JARID2: variants seen among roughly 807,000 people sequenced by gnomAD.
JARID2 encodes the protein protein Jumonji.
Under a neutral mutation model 125.6 loss-of-function variants are expected in JARID2, and 21 were observed. The ratio of observed to expected loss-of-function variants is 0.17; its 90% CI spans 0.12 to 0.24. JARID2 has a LOEUF of 0.24. JARID2 is among the 10% of genes least tolerant of loss of function. JARID2 has a pLI of 1.00. For synonymous variants in JARID2, 736 were observed against 661.6 expected (o/e 1.11, Z -1.73); for missense variants, 1,303 against 1,639.6 (o/e 0.79, Z 3.55).
At chr6:15,364,157 T>TCAGG (rs70996538) in intron 1 of JARID2, among the ~76,000 whole-genome samples, 9,248 of 152,148 alleles carry the variant, frequency 0.061, 409 homozygotes, top group East Asian at 0.24. Flanking sequence ...AGCGAGTCAG[T>TCAGG]CAGGCATTGA....
intron 1 of JARID2, among the ~76,000 whole-genome samples, chr6:15,354,158 TATTAAAC>T: frequency 6.6e-6 from 1 of 152,210 alleles, no homozygotes; most frequent in East Asian, 1.9e-4. Flanking sequence ...CAAGCGTCCT[TATTAAAC>T]AGAGGTAGGT....
intron 3 of JARID2, among the ~76,000 whole-genome samples, chr6:15,418,500 C>T (rs1581535054): frequency 6.6e-6 from 1 of 152,272 alleles, no homozygotes; most frequent in Middle Eastern, 3.4e-3. Flanking sequence ...GGCATATGAG[C>T]CACTGTGCCC....
At chr6:15,307,263 T>C (rs968129093) in intron 1 of JARID2, among the ~76,000 whole-genome samples, 1 of 151,960 alleles carries the variant, frequency 6.6e-6, no homozygotes, top group East Asian at 2.0e-4. Flanking sequence ...AAACATTTTT[T>C]CCTGTTGCCC....
chr6:15,474,753 C>G (rs1769258472), intron 5 of JARID2, among the ~76,000 whole-genome samples: 1 of 152,112 alleles, frequency 6.6e-6, no homozygotes, highest in South Asian at 2.1e-4. Flanking sequence ...AGGTTCCCAA[C>G]TAAAATTTTG....
intron 3 of JARID2, among the ~76,000 whole-genome samples, chr6:15,437,250 T>C (rs1767248457): frequency 1.3e-5 from 2 of 152,178 alleles, no homozygotes; most frequent in African/African-American, 4.8e-5. Context: ...ATACTTTATG[T>C]TGTGAGGCTG....
chr6:15,505,798 T>G (rs1770977052), intron 9 of JARID2, among the ~76,000 whole-genome samples: 1 of 152,264 alleles, frequency 6.6e-6, no homozygotes, highest in Admixed American at 6.5e-5. Flanking sequence ...AGCCACGATG[T>G]CAGCTGAACC....
In JARID2 at chr6:15,476,385, C is replaced by A. The variant is rs139868931; in HGVS notation, c.670+7667C>A. 5.3e-4 allele frequency among the ~76,000 whole-genome samples: 81 copies of A among 152,310 alleles called. 1 individual carries two copies. In the East Asian group the frequency reaches 7.3e-3, roughly 14 times the overall value. On this transcript the variant is annotated intron_variant, in intron 5 of 17. Coordinates refer to ENST00000341776, the MANE Select transcript of JARID2 (RefSeq NM_004973.4). ...GGCAGAGGTGGCAGGAGAGGACACA[C>A]ACACCATCCACAGTGTCCTGCCATC...
chr6:15,468,759 C>CT lies in JARID2; in HGVS notation c.670+44dup, dbSNP rs765632381. ...AACTTGGATAAGAAAAAATCTAAAG[C>CT]TTTGGGTGAGAGCTGGAAGAGAGCC... is the stretch of plus-strand genomic sequence containing the variant. On this transcript the variant is annotated intron_variant, in intron 5 of 17. Transcript: ENST00000341776. The CT allele has an allele frequency of 4.1e-5, 65 of 1,573,760 alleles. No individual in the cohort carries two copies. In the South Asian group the frequency reaches 6.9e-4, roughly 17 times the overall value.
intron 1 of JARID2, among the ~76,000 whole-genome samples, chr6:15,333,184 G>A (rs13211366): frequency 4.6e-5 from 7 of 151,774 alleles, no homozygotes; most frequent in Non-Finnish European, 8.8e-5. Flanking sequence ...CACCCGCCTC[G>A]GCCTCCCAAA....
In JARID2 at chr6:15,496,118, CTGCTGCTCCA is replaced by C. The variant is rs1176023993; in HGVS notation, c.907-13_907-4del. ...TCTGCGTTTTTTTCCACCTCTGCTTCTGCTGCTCCACAGGTTTCTAAGGTAAACGGAGTCA... is the reference window on the plus strand; with the variant it reads ...TCTGCGTTTTTTTCCACCTCTGCTTCCAGGTTTCTAAGGTAAACGGAGTCA... On this transcript the variant is annotated splice_region_variant and splice_polypyrimidine_tract_variant and intron_variant, in intron 6 of 17. Transcript: ENST00000341776. The C allele has an allele frequency of 6.3e-7, 1 of 1,591,150 alleles. No homozygotes were observed. The highest frequency in any genetic ancestry group is 8.6e-7 in the Non-Finnish European group (1 of 1,166,790).
At chr6:15,252,515 A>T (rs937613479) in intron 1 of JARID2, among the ~76,000 whole-genome samples, 1 of 152,178 alleles carries the variant, frequency 6.6e-6, no homozygotes, top group Non-Finnish European at 1.5e-5. Flanking sequence ...TGATTGTATT[A>T]CTTTTGGAGT....
At chr6:15,487,252 T>C (rs1415539968) in intron 5 of JARID2, 55 bp from the exon 6 acceptor site, 2 of 1,435,604 alleles carry the variant, frequency 1.4e-6, no homozygotes, top group East Asian at 4.8e-5. Context: ...ATCAGTAGTT[T>C]GCGTGGTAGT....
chr6:15,447,702 C>T (rs1457195713), intron 3 of JARID2, among the ~76,000 whole-genome samples: 1 of 152,192 alleles, frequency 6.6e-6, no homozygotes. Flanking sequence ...CAGCTGATGG[C>T]AGGGAGTGAG....
intron 1 of JARID2, among the ~76,000 whole-genome samples, chr6:15,356,149 T>A (rs904093661): frequency 1.3e-5 from 2 of 152,226 alleles, no homozygotes; most frequent in African/African-American, 4.8e-5. Flanking sequence ...ATGAAATCTT[T>A]TTTACGGCTG....
rs147554675 is a variant in JARID2, at chr6:15,303,857, C to T, written c.45+57273C>T. ...GTGCCTTCTTTTTAGTTCACCTGGG[C>T]GAATCCTGGCTGCAAGTTTAATAAT... On this transcript the variant is annotated intron_variant, in intron 1 of 17. Transcript: ENST00000341776. Among the ~76,000 whole-genome samples, 743 of 152,204 alleles carry T rather than the reference C, an allele frequency of 4.9e-3. 7 individuals are homozygous for T. Among genetic ancestry groups the T allele is most frequent in the African/African-American group, 0.016 (684 of 41,512 alleles).
chr6:15,483,882 C>T (rs539018014), intron 5 of JARID2, among the ~76,000 whole-genome samples: 1 of 152,272 alleles, frequency 6.6e-6, no homozygotes, highest in African/African-American at 2.4e-5. Flanking sequence ...GTTACAGTTT[C>T]TCCACATCCT....
At position 15,496,810 on chromosome 6, in the gene JARID2, C is replaced by A; in HGVS notation, c.1585C>A (p.Gln529Lys). ...CTCCTGTGAAAATCGTTCTACCTCG[C>A]AACCGGAGTCCGTGCACAAGCCGCA... ...SASCENRSTS[Q>K]PESVHKPQDS... is the part of the protein sequence containing the mutation. The change falls in exon 7 of 18, where the codon CAA becomes AAA. Residue 529 changes from glutamine to lysine, a missense_variant. By Grantham distance (53) the Gln-to-Lys change is moderately conservative. Around this residue, in one of 11 missense-constraint regions of JARID2, gnomAD observed 651 missense variants for 581.6 expected, o/e 1.12. Coordinates refer to ENST00000341776, the MANE Select transcript of JARID2 (RefSeq NM_004973.4). 6.2e-7 allele frequency: 1 copy of A among 1,605,390 alleles called. No individual in the cohort carries two copies. The highest frequency in any genetic ancestry group is 8.5e-7 in the Non-Finnish European group (1 of 1,175,232).
intron 17 of JARID2, among the ~76,000 whole-genome samples, chr6:15,519,346 A>C (rs942541888): frequency 6.6e-6 from 1 of 152,126 alleles, no homozygotes; most frequent in African/African-American, 2.4e-5. Flanking sequence ...TTAACTTGTG[A>C]TGGGAGCCAG....
At chr6:15,511,547 CAAA>C (rs1429565228) in intron 13 of JARID2, 146 bp downstream of exon 13, 1 of 637,572 alleles carries the variant, frequency 1.6e-6, no homozygotes, top group African/African-American at 1.8e-5. Context: ...TCCTCTGACA[CAAA>C]AGCCAAACTG....
Sources: allele counts gnomAD v4.1 joint callset (sites outside exome capture counted in the v4.1 genomes callset), GRCh38; gene constraint gnomAD v4.1.1; regional missense constraint gnomAD v4.1.1; transcripts MANE v1.5; gene names NCBI Gene and HGNC (gene_info 2026-07-23, HGNC 2026-07-21).